The following ECE1 variants were observed in gnomAD, a reference collection of about 807,000 sequenced individuals.
The protein encoded by ECE1 is endothelin converting enzyme 1.
Under a neutral mutation model 98.6 loss-of-function variants are expected in ECE1, and 35 were observed. That is an observed-to-expected ratio of 0.35 (90% CI 0.27 to 0.47). ECE1 has a LOEUF of 0.47. Ranked by LOEUF, ECE1 falls within the 20% of genes least tolerant of loss-of-function variation. The pLI is 1.00. For synonymous variants in ECE1, 394 were observed against 407.1 expected (o/e 0.97, Z 0.39); for missense variants, 814 against 1,025.3 (o/e 0.79, Z 2.81).
intron 1 of ECE1, among the ~76,000 whole-genome samples, chr1:21,297,026 T>C (rs1355035108): frequency 3.3e-5 from 5 of 152,136 alleles, no homozygotes; most frequent in African/African-American, 7.2e-5. Context: ...GAGGTCAAGG[T>C]TGCTAACTGC....
chr1:21,300,191 C>T (rs1265158163), intron 1 of ECE1, among the ~76,000 whole-genome samples: 1 of 152,264 alleles, frequency 6.6e-6, no homozygotes, highest in Admixed American at 6.5e-5. Context: ...GGGTTCCCTG[C>T]TGCTGGCCTG....
intron 1 of ECE1, among the ~76,000 whole-genome samples, chr1:21,318,501 A>G (rs115068440): frequency 0.034 from 5,217 of 151,992 alleles, 94 homozygotes; most frequent in South Asian, 0.072. Context: ...TCAGCCTCTC[A>G]CTGTCTTTGG....
chr1:21,222,623 C>T (rs1251340484), intron 17 of ECE1, among the ~76,000 whole-genome samples: 1 of 151,968 alleles, frequency 6.6e-6, no homozygotes, highest in Non-Finnish European at 1.5e-5. Context: ...GGTGGATCAC[C>T]TGAGGTTAGG....
At chr1:21,344,914 C>T (rs993810981) in intron 1 of ECE1, 8 of 153,640 alleles carry the variant, frequency 5.2e-5, no homozygotes, top group African/African-American at 1.9e-4. Context: ...CCCACAGTGC[C>T]CCAAGGCGAG....
rs1208401689 is a variant in ECE1 at position 21,267,815 on chromosome 1, A to G, written c.493+4884T>C. On this transcript the variant is annotated intron_variant, in intron 4 of 18. Coordinates refer to ENST00000374893, the MANE Select transcript of ECE1 (RefSeq NM_001397.3). ...AATATGCGCAGGAAGATGAAACTCA[A>G]TTAGACAGCAGGTATTAGGAAAATA... Among the ~76,000 whole-genome samples the G allele has an allele frequency of 3.3e-5, 5 of 152,238 alleles. No homozygotes were observed. In the East Asian group the frequency reaches 9.6e-4, roughly 29 times the overall value.
intron 3 of ECE1, among the ~76,000 whole-genome samples, chr1:21,275,491 A>C (rs971713596): frequency 6.6e-6 from 1 of 152,166 alleles, no homozygotes; most frequent in Non-Finnish European, 1.5e-5. Context: ...GCTACTTGGG[A>C]GGCTGAGGCA....
chr1:21,325,304 C>A (rs1639054480), intron 1 of ECE1, among the ~76,000 whole-genome samples: 1 of 152,228 alleles, frequency 6.6e-6, no homozygotes, highest in Non-Finnish European at 1.5e-5. Flanking sequence ...CCAGGACAAG[C>A]CAGCGTCTCG....
Position 21,342,382 on chromosome 1 carries a change from T to C in ECE1, c.3+2994A>G, listed in dbSNP as rs531952801. On this transcript the variant is annotated intron_variant, in intron 1 of 18. Coordinates refer to the ECE1 transcript ENST00000415912. ...CCTCTCTGTGCCTGCTGCAGGGTGG[T>C]TTGAGTACAACCGGAGGCAGGAGAC... is the stretch of plus-strand genomic sequence containing the variant. 6.6e-4 allele frequency among the ~76,000 whole-genome samples: 101 copies of C among 152,136 alleles called. No homozygotes were observed. The South Asian group carries it at 9.8e-3, about 15-fold the overall frequency.
At chr1:21,321,073 T>C (rs2103402192) in intron 1 of ECE1, among the ~76,000 whole-genome samples, 1 of 152,288 alleles carries the variant, frequency 6.6e-6, no homozygotes, top group South Asian at 2.1e-4. Context: ...CTGGAGGTAC[T>C]ACCATCCCCA....
chr1:21,270,215 G>A (rs2098238694), intron 4 of ECE1, among the ~76,000 whole-genome samples: 1 of 152,222 alleles, frequency 6.6e-6, no homozygotes, highest in African/African-American at 2.4e-5. Flanking sequence ...TAACCTCTGG[G>A]AGCCTCAGTT....
chr1:21,273,040 G>T, intron 3 of ECE1, 129 bp from the exon 4 acceptor site: 1 of 945,334 alleles, frequency 1.1e-6, no homozygotes, highest in Non-Finnish European at 1.7e-6. Context: ...TTTGGAACTG[G>T]ACGGTCACTA....
chr1:21,331,698 C>G (rs1190117717), intron 1 of ECE1, among the ~76,000 whole-genome samples: 1 of 152,110 alleles, frequency 6.6e-6, no homozygotes, highest in African/African-American at 2.4e-5. Context: ...CTCTCTGTCC[C>G]TCAGTTTTCC....
Position 21,341,447 on chromosome 1 carries a change from G to A in ECE1, c.3+3929C>T, listed in dbSNP as rs1036716288. Among the ~76,000 whole-genome samples the A allele has an allele frequency of 5.3e-5, 8 of 152,256 alleles. No homozygotes were observed. In the South Asian group the frequency reaches 1.2e-3, roughly 24 times the overall value. ...ATTTGCTCATGGTTCCTCTCTCACC[G>A]TAGACATGAAAGTGTGGACTTGGCC... On this transcript the variant is annotated intron_variant, in intron 1 of 18. Transcript: ENST00000415912.
At position 21,340,968 on chromosome 1, in the gene ECE1, C is replaced by T. The variant is rs570252627; in HGVS notation, c.3+4408G>A. Among the ~76,000 whole-genome samples the T allele has an allele frequency of 1.7e-4, 26 of 152,190 alleles. No homozygotes were observed. Among genetic ancestry groups the T allele is most frequent in the Non-Finnish European group, 3.4e-4 (23 of 68,042 alleles). On this transcript the variant is annotated intron_variant, in intron 1 of 18. Transcript: ENST00000415912. This position sits in a 1 kb window ranked among gnomAD's most constrained non-coding sequence, Gnocchi z 4.6. ...GGGCCACCTCCTAAGCACAGTCCTC[C>T]GTGCCTCCAGATGAACCATCCCTGA...
Position 21,260,218 on chromosome 1 carries a change from G to T in ECE1, c.615+53C>A. 1 of 1,613,600 alleles carries T rather than the reference G, an allele frequency of 6.2e-7. No homozygotes were observed. The highest frequency in any genetic ancestry group is 8.5e-7 in the Non-Finnish European group (1 of 1,179,616). On this transcript the variant is annotated intron_variant, in intron 5 of 18. Transcript: ENST00000374893. The surrounding 1 kb of genome is among the most constrained non-coding windows in gnomAD (Gnocchi z 4.3). ...AGAAGGCTGGAGTGGAAGCCAGGGG[G>T]CGGGCAGGTGGCATGGGCCGGGGCT...
intron 16 of ECE1, among the ~76,000 whole-genome samples, chr1:21,226,520 A>C (rs1387381910): frequency 9.9e-5 from 15 of 152,188 alleles, no homozygotes; most frequent in Admixed American, 9.8e-4. Context: ...AAGCAGAGGC[A>C]GTGGGGCCTG....
At chr1:21,248,848 C>G (rs1194908091) in intron 8 of ECE1, among the ~76,000 whole-genome samples, 1 of 151,550 alleles carries the variant, frequency 6.6e-6, no homozygotes, top group African/African-American at 2.4e-5. Context: ...TGGTCTCGAA[C>G]TCCTGACCTC....
intron 8 of ECE1, among the ~76,000 whole-genome samples, chr1:21,248,284 T>C (rs970734123): frequency 1.3e-5 from 2 of 151,922 alleles, no homozygotes; most frequent in African/African-American, 4.8e-5. Context: ...GATTCTCCTG[T>C]TTCAGCTTCC....
Position 21,219,644 on chromosome 1 carries a change from C to A in ECE1, c.*311G>T. 2.3e-6 allele frequency: 1 copy of A among 437,828 alleles called. No homozygotes were observed. Among genetic ancestry groups the A allele is most frequent in the Non-Finnish European group, 4.2e-6 (1 of 237,344 alleles). The allele number at this position is 437,828 out of a possible 1,614,324, so 27.1% of individuals were successfully genotyped here. ...AAATATATCTTGAAAGCATTTGACACAGTGGTATTTGTGGCGTATCTGGCG... is the reference window on the plus strand; with the variant it reads ...AAATATATCTTGAAAGCATTTGACAAAGTGGTATTTGTGGCGTATCTGGCG... On this transcript the variant is annotated 3_prime_UTR_variant, in exon 19 of 19. Coordinates refer to ENST00000374893, the MANE Select transcript of ECE1 (RefSeq NM_001397.3). This position sits in a 1 kb window ranked among gnomAD's most constrained non-coding sequence, Gnocchi z 4.5.
Sources: gnomAD v4.1 joint callset for allele counts (sites outside exome capture counted in the v4.1 genomes callset) on GRCh38, gnomAD v4.1.1 for gene constraint, Gnocchi (gnomAD v3.1) non-coding constraint, MANE v1.5 for transcripts, NCBI Gene and HGNC (gene_info 2026-07-23, HGNC 2026-07-21) for gene names.